Variants in DOCK3 observed in about 807,000 individuals in gnomAD.
The protein encoded by DOCK3 is dedicator of cytokinesis 3, also known as dedicator of cytokinesis protein 3.
Under a neutral mutation model 265.6 loss-of-function variants are expected in DOCK3, and 60 were observed. That is an observed-to-expected ratio of 0.23 (90% confidence interval 0.18 to 0.28). The LOEUF is 0.28. DOCK3 is among the 10% of genes least tolerant of loss of function. DOCK3 has a pLI of 1.00. For synonymous variants in DOCK3, 881 were observed against 938.0 expected, an observed-to-expected ratio of 0.94 and a Z score of 1.11; for missense variants, 1,981 against 2,594.3, an observed-to-expected ratio of 0.76 and a Z score of 5.14.
At chr3:51,086,601 C>T (rs2109509899) in intron 7 of DOCK3, among the ~76,000 whole-genome samples, 1 of 152,326 alleles carries the variant, frequency 6.6e-6, no homozygotes, top group Admixed American at 6.5e-5. Flanking sequence ...AGTTCAAGAC[C>T]AGACTGGCCA....
At chr3:51,016,676 T>TTTATATTTCATATAATATATAAATATATA (rs1491484796) in intron 5 of DOCK3, among the ~76,000 whole-genome samples, 29 of 33,178 alleles carry the variant, frequency 8.7e-4, no homozygotes, top group Admixed American at 3.8e-3. Context: ...ATGATATATA[T>TTTATATTTCATATAATATATAAATATATA]TTATATATCA....
chr3:51,337,003 G>A (rs1020463297), intron 35 of DOCK3: 29 of 415,342 alleles, frequency 7.0e-5, no homozygotes, highest in Non-Finnish European at 1.1e-4. Flanking sequence ...CTCACTCCTC[G>A]AAAAGTCAAG....
chr3:51,013,656 GT>G (rs1002021823), intron 5 of DOCK3, among the ~76,000 whole-genome samples: 10 of 152,186 alleles, frequency 6.6e-5, no homozygotes, highest in Non-Finnish European at 8.8e-5. Context: ...CAGTCGGTCC[GT>G]TCTCAGAGCT....
intron 4 of DOCK3, among the ~76,000 whole-genome samples, chr3:50,904,010 T>C (rs7625232): frequency 0.24 from 37,005 of 151,710 alleles, 5,654 homozygotes; most frequent in East Asian, 0.39. Flanking sequence ...TGAGAACATG[T>C]GGTGTTTGGT....
intron 9 of DOCK3, among the ~76,000 whole-genome samples, chr3:51,138,299 A>G (rs1453500965): frequency 6.6e-6 from 1 of 152,228 alleles, no homozygotes; most frequent in Non-Finnish European, 1.5e-5. Flanking sequence ...TATCATACCC[A>G]TTGTAGAAGC....
chr3:51,009,251 C>CT (rs36148969), intron 5 of DOCK3, among the ~76,000 whole-genome samples: 2 of 151,996 alleles, frequency 1.3e-5, no homozygotes, highest in Non-Finnish European at 2.9e-5. Flanking sequence ...TGGTCCTGGA[C>CT]TTTTTTTGGT....
chr3:50,761,471 C>A (rs4482663), intron 1 of DOCK3, among the ~76,000 whole-genome samples: 128,546 of 152,130 alleles, frequency 0.84, 54,748 homozygotes, highest in East Asian at 0.95. Flanking sequence ...GAGGGCAGTG[C>A]TACTTGAGGT....
At chr3:51,251,911 GTGT>G (rs2079266718) in intron 22 of DOCK3, among the ~76,000 whole-genome samples, 1 of 152,128 alleles carries the variant, frequency 6.6e-6, no homozygotes, top group Non-Finnish European at 1.5e-5. Flanking sequence ...ATTACTTTTG[GTGT>G]TTTAGACATG....
rs532890100 is a variant in DOCK3, at chr3:50,792,818, G to T, written c.121+14060G>T. Among the ~76,000 whole-genome samples the T allele has an allele frequency of 7.2e-5, 11 of 152,318 alleles. No individual in the cohort carries two copies. In the South Asian group the frequency reaches 2.3e-3, roughly 32 times the overall value. ...GGATAAGCTTTTTGATGTGCTGCTGGATTTGGTTTGCGAATATTTCATTGA... is the reference window on the plus strand; with the variant it reads ...GGATAAGCTTTTTGATGTGCTGCTGTATTTGGTTTGCGAATATTTCATTGA... On this transcript the variant is annotated intron_variant, in intron 2 of 52. Transcript: ENST00000266037.
chr3:50,712,802 C>T (rs139803508), intron 1 of DOCK3, among the ~76,000 whole-genome samples: 3 of 152,182 alleles, frequency 2.0e-5, no homozygotes, highest in African/African-American at 4.8e-5. Context: ...TACAGGAGAT[C>T]GATTATAGTT....
chr3:51,059,887 G>A (rs539431655), intron 5 of DOCK3, among the ~76,000 whole-genome samples: 1 of 152,110 alleles, frequency 6.6e-6, no homozygotes, highest in Non-Finnish European at 1.5e-5. Flanking sequence ...GGATTTAACA[G>A]CTGCATCATC....
intron 24 of DOCK3, among the ~76,000 whole-genome samples, chr3:51,273,615 A>G (rs1389140736): frequency 6.6e-6 from 1 of 152,190 alleles, no homozygotes. Context: ...CAGCCTTTTA[A>G]ATCTAGACTA....
chr3:50,816,400 C>T (rs2044083258), intron 2 of DOCK3, among the ~76,000 whole-genome samples: 2 of 148,848 alleles, frequency 1.3e-5, no homozygotes, highest in Admixed American at 1.4e-4. Context: ...TGGCTCACTG[C>T]AGCCTCTGCC....
At chr3:51,262,442 A>G (rs2079908788) in intron 23 of DOCK3, among the ~76,000 whole-genome samples, 1 of 148,942 alleles carries the variant, frequency 6.7e-6, no homozygotes, top group Admixed American at 6.7e-5. Context: ...AAGGTAGATA[A>G]ATCCAGGAAG....
At chr3:50,761,910 G>A (rs758802411) in intron 1 of DOCK3, among the ~76,000 whole-genome samples, 1 of 152,128 alleles carries the variant, frequency 6.6e-6, no homozygotes, top group South Asian at 2.1e-4. Context: ...TATACAACAC[G>A]GAATACTATG....
intron 1 of DOCK3, among the ~76,000 whole-genome samples, chr3:50,753,423 G>A (rs1333089100): frequency 1.3e-5 from 2 of 152,116 alleles, no homozygotes; most frequent in Non-Finnish European, 2.9e-5. Flanking sequence ...GCTCACTACA[G>A]CCTTAATCTT....
At chr3:51,298,316 G>T (rs2082208467) in intron 27 of DOCK3, among the ~76,000 whole-genome samples, 1 of 152,104 alleles carries the variant, frequency 6.6e-6, no homozygotes, top group African/African-American at 2.4e-5. Flanking sequence ...TTCCTAATTT[G>T]ACTAATTTGA....
At chr3:50,834,175 C>A (rs1389405960) in intron 2 of DOCK3, among the ~76,000 whole-genome samples, 1 of 151,858 alleles carries the variant, frequency 6.6e-6, no homozygotes, top group Non-Finnish European at 1.5e-5. Flanking sequence ...TTACCAGAAA[C>A]CTGCATTCAA....
At chr3:51,119,874 C>A (rs1363342212) in intron 9 of DOCK3, among the ~76,000 whole-genome samples, 1 of 151,896 alleles carries the variant, frequency 6.6e-6, no homozygotes, top group East Asian at 2.0e-4. Flanking sequence ...AACCTTTTTT[C>A]AAGGTTCTTA....
Sources: allele counts gnomAD v4.1 joint callset (sites outside exome capture counted in the v4.1 genomes callset), GRCh38; gene constraint gnomAD v4.1.1; transcripts MANE v1.5; gene names NCBI Gene and HGNC (gene_info 2026-07-23, HGNC 2026-07-21).